NUDCD3: variants seen among roughly 807,000 people sequenced by gnomAD.
NUDCD3 encodes nudC domain-containing protein 3.
A neutral mutation model predicts 39.7 loss-of-function variants in NUDCD3; 13 were observed. The ratio of observed to expected loss-of-function variants is 0.33; its 90% confidence interval spans 0.21 to 0.52. The LOEUF (loss-of-function observed/expected upper bound fraction) is 0.52. NUDCD3 is among the 20% of genes least tolerant of loss of function. The pLI is 0.96. For missense variants in NUDCD3, 453 were observed against 458.1 expected (o/e 0.99, Z 0.10); for synonymous variants, 175 against 172.4 (o/e 1.02, Z -0.12).
At chr7:44,490,299 G>A (rs1800707371) in intron 1 of NUDCD3, 110 bp downstream of exon 1, 2 of 1,077,020 alleles carry the variant, frequency 1.9e-6, no homozygotes, top group Non-Finnish European at 2.6e-6. Flanking sequence ...TCAACCCCAG[G>A]ACACCAGGAA....
At chr7:44,403,316 C>T (rs1798756959) in intron 4 of NUDCD3, among the ~76,000 whole-genome samples, 1 of 152,218 alleles carries the variant, frequency 6.6e-6, no homozygotes, top group Admixed American at 6.5e-5. Context: ...ACACATAGGG[C>T]CTCACGTAGG....
intron 3 of NUDCD3, among the ~76,000 whole-genome samples, chr7:44,404,879 C>T (rs1026669108): frequency 3.3e-5 from 5 of 152,192 alleles, no homozygotes; most frequent in African/African-American, 7.2e-5. Context: ...CTCCAGTTAA[C>T]GGAGACCAAT....
At chr7:44,454,969 C>A (rs1049948507) in intron 2 of NUDCD3, among the ~76,000 whole-genome samples, 1 of 148,540 alleles carries the variant, frequency 6.7e-6, no homozygotes, top group Non-Finnish European at 1.5e-5. Context: ...ACACACACAC[C>A]CTTTCTTTTA....
chr7:44,453,924 T>C (rs1799841729), intron 2 of NUDCD3, among the ~76,000 whole-genome samples: 1 of 152,142 alleles, frequency 6.6e-6, no homozygotes, highest in South Asian at 2.1e-4. Flanking sequence ...ATGTCTGTGC[T>C]TCCAGCTACT....
chr7:44,430,556 A>G (rs911611856), intron 2 of NUDCD3, among the ~76,000 whole-genome samples: 2 of 140,856 alleles, frequency 1.4e-5, no homozygotes, highest in African/African-American at 5.6e-5. Context: ...TAAAATACCC[A>G]CACACACACA....
At chr7:44,407,130 A>G (rs572198464) in intron 3 of NUDCD3, among the ~76,000 whole-genome samples, 33 of 151,908 alleles carry the variant, frequency 2.2e-4, no homozygotes, top group Non-Finnish European at 4.6e-4. Context: ...CCAAGACCCT[A>G]TGTCCTATAA....
Position 44,428,664 on chromosome 7 carries a change from T to G in NUDCD3, c.510-961A>C, listed in dbSNP as rs1799288851. 2.6e-5 allele frequency among the ~76,000 whole-genome samples: 4 copies of G among 152,312 alleles called. No homozygotes were observed. The South Asian group carries it at 8.3e-4, about 32-fold the overall frequency. On this transcript the variant is annotated intron_variant, in intron 2 of 5. Transcript: ENST00000355451. ...TATAGGCCTGTTATAAACACAGCACTAAATACAGATAGGCCTACCAAGAAG... is the reference window on the plus strand; with the variant it reads ...TATAGGCCTGTTATAAACACAGCACGAAATACAGATAGGCCTACCAAGAAG...
intron 2 of NUDCD3, among the ~76,000 whole-genome samples, chr7:44,429,061 G>GGGCA (rs1469758220): frequency 6.6e-6 from 1 of 152,210 alleles, no homozygotes; most frequent in Admixed American, 6.5e-5. Flanking sequence ...TGGTTCAAGA[G>GGGCA]GGCAGGCTTT....
intron 2 of NUDCD3, among the ~76,000 whole-genome samples, chr7:44,429,715 C>T (rs754555768): frequency 6.6e-6 from 1 of 152,070 alleles, no homozygotes; most frequent in Non-Finnish European, 1.5e-5. Context: ...AGATGTTAGC[C>T]TTAAACTACT....
intron 2 of NUDCD3, among the ~76,000 whole-genome samples, chr7:44,472,339 G>T (rs574992007): frequency 8.5e-5 from 13 of 152,276 alleles, no homozygotes; most frequent in African/African-American, 3.1e-4. Context: ...ACCAGTAAGA[G>T]AATTCGATAT....
intron 5 of NUDCD3, among the ~76,000 whole-genome samples, chr7:44,389,019 G>A (rs1330132506): frequency 6.6e-6 from 1 of 152,236 alleles, no homozygotes; most frequent in Non-Finnish European, 1.5e-5. Context: ...TGCAGGCACA[G>A]GGACTTTCTG....
intron 2 of NUDCD3, among the ~76,000 whole-genome samples, chr7:44,429,417 C>T (rs916624219): frequency 3.3e-5 from 5 of 151,936 alleles, no homozygotes; most frequent in African/African-American, 1.2e-4. Flanking sequence ...TGCCTATAGG[C>T]CAAAAAACGT....
chr7:44,487,838 C>T (rs1800645415), intron 1 of NUDCD3, among the ~76,000 whole-genome samples: 1 of 152,042 alleles, frequency 6.6e-6, no homozygotes, highest in African/African-American at 2.4e-5. Flanking sequence ...CCTGTAAACC[C>T]AGCTACTCGG....
At position 44,423,220 on chromosome 7, in the gene NUDCD3, GA is replaced by G. The variant is rs1799173180; in HGVS notation, c.642+4350del. Among the ~76,000 whole-genome samples, 6 of 152,286 alleles carry G rather than the reference GA, an allele frequency of 3.9e-5. No homozygotes were observed. The South Asian group carries it at 1.2e-3, about 32-fold the overall frequency. ...GGCAAAAGCTGGAAGCACTGCCTTT[GA>G]AAAGCGGCACAAGACAAGGATGCCC... is the stretch of plus-strand genomic sequence containing the variant. On this transcript the variant is annotated intron_variant, in intron 3 of 5. Coordinates refer to ENST00000355451, the MANE Select transcript of NUDCD3 (RefSeq NM_015332.4).
At chr7:44,420,199 G>A (rs530184408) in intron 3 of NUDCD3, among the ~76,000 whole-genome samples, 5 of 152,090 alleles carry the variant, frequency 3.3e-5, no homozygotes, top group African/African-American at 7.2e-5. Context: ...ACTTCGTGAA[G>A]CATACACAAG....
intron 3 of NUDCD3, among the ~76,000 whole-genome samples, chr7:44,422,666 C>T (rs1319022565): frequency 6.6e-6 from 1 of 152,116 alleles, no homozygotes; most frequent in Non-Finnish European, 1.5e-5. Context: ...ACCAAAAAAG[C>T]TCAGGGCCAG....
rs185375474 is a variant in NUDCD3, at chr7:44,412,092, G to T, written c.643-7509C>A. On this transcript the variant is annotated intron_variant, in intron 3 of 5. Transcript: ENST00000355451. ...GGTCATCACCCTTAGGTTCTGATAA[G>T]AACTCTACCACTGAGGCCCCTCTAA... 2.0e-5 allele frequency among the ~76,000 whole-genome samples: 3 copies of T among 152,318 alleles called. No individual in the cohort carries two copies. The East Asian group carries it at 5.8e-4, about 29-fold the overall frequency.
Position 44,383,572 on chromosome 7 carries a change from T to A in NUDCD3, c.*2439A>T, listed in dbSNP as rs1420414619. ...GACAGAACTGTCTCAGCAGCAAATG[T>A]CACACGCAGACCCAGAACTGCTTAA... On this transcript the variant is annotated 3_prime_UTR_variant, in exon 6 of 6. Coordinates refer to ENST00000355451, the MANE Select transcript of NUDCD3 (RefSeq NM_015332.4). 1 of 152,214 alleles carries A rather than the reference T, an allele frequency of 6.6e-6. No individual in the cohort carries two copies. Among genetic ancestry groups the A allele is most frequent in the Non-Finnish European group, 1.5e-5 (1 of 68,056 alleles). The allele number at this position is 152,214 out of a possible 1,614,324, so 9.4% of individuals were successfully genotyped here.
intron 3 of NUDCD3, among the ~76,000 whole-genome samples, chr7:44,406,063 T>C (rs1798814695): frequency 6.6e-6 from 1 of 152,192 alleles, no homozygotes; most frequent in Non-Finnish European, 1.5e-5. Flanking sequence ...CCTCCCAAAG[T>C]GCTGGGATGA....
Sources: allele counts gnomAD v4.1 joint callset (sites outside exome capture counted in the v4.1 genomes callset), GRCh38; gene constraint gnomAD v4.1.1; transcripts MANE v1.5; gene names NCBI Gene and HGNC (gene_info 2026-07-23, HGNC 2026-07-21).